USP6NL: variants seen among roughly 807,000 people sequenced by gnomAD.
USP6NL encodes the protein USP6 N-terminal like, also known as USP6 N-terminal-like protein.
In USP6NL, 26 loss-of-function variants were observed where a neutral mutation model predicts 61.9. That is an observed-to-expected ratio of 0.42 (90% confidence interval 0.31 to 0.58). The LOEUF (loss-of-function observed/expected upper bound fraction) is 0.58. Ranked by LOEUF, USP6NL falls within the 20% of genes least tolerant of loss-of-function variation. The probability of loss-of-function intolerance (pLI) is 0.16; values close to 1 mark genes in which losing one functional copy is unlikely to be tolerated. For synonymous variants in USP6NL, 432 were observed against 390.1 expected, an observed-to-expected ratio of 1.11 and a Z score of -1.27; for missense variants, 1,114 against 1,034.3, an observed-to-expected ratio of 1.08 and a Z score of -1.06.
chr10:11,601,197 C>T (rs1838516452), intron 1 of USP6NL, among the ~76,000 whole-genome samples: 1 of 152,026 alleles, frequency 6.6e-6, no homozygotes, highest in Non-Finnish European at 1.5e-5. Flanking sequence ...GTATGCACAT[C>T]AACAAATATC....
intron 2 of USP6NL, among the ~76,000 whole-genome samples, chr10:11,593,250 GT>G (rs946998046): frequency 2.0e-5 from 3 of 152,162 alleles, no homozygotes; most frequent in South Asian, 4.1e-4. Context: ...GCTAGTAAGT[GT>G]TTTTTTGTTT....
chr10:11,525,378 T>C lies in USP6NL; in HGVS notation c.155+8A>G, dbSNP rs760157518. ...CTAAAAAGCAAGCTTTCAATCTATG[T>C]GACTTACTGTAAAAAGCCAAATCTA... On this transcript the variant is annotated splice_region_variant and intron_variant, in intron 4 of 14. Coordinates refer to ENST00000609104, the MANE Select transcript of USP6NL (RefSeq NM_014688.5). This position sits in a 1 kb window ranked among gnomAD's most constrained non-coding sequence, Gnocchi z 5.0. The C allele has an allele frequency of 1.3e-6, 2 of 1,591,372 alleles. No individual in the cohort carries two copies. Among genetic ancestry groups the C allele is most frequent in the African/African-American group, 1.4e-5 (1 of 73,700 alleles).
At chr10:11,473,810 T>C (rs1405087787) in intron 14 of USP6NL, among the ~76,000 whole-genome samples, 1 of 152,176 alleles carries the variant, frequency 6.6e-6, no homozygotes, top group African/African-American at 2.4e-5. Flanking sequence ...TTACAAATTA[T>C]TGCCCTACCA....
chr10:11,526,627 T>C (rs1165976699), intron 3 of USP6NL, among the ~76,000 whole-genome samples: 1 of 152,204 alleles, frequency 6.6e-6, no homozygotes, highest in East Asian at 1.9e-4. Context: ...GTATGCCTCA[T>C]GGAAGCAGGA....
intron 2 of USP6NL, among the ~76,000 whole-genome samples, chr10:11,557,341 G>C (rs867263940): frequency 6.6e-6 from 1 of 152,152 alleles, no homozygotes; most frequent in Non-Finnish European, 1.5e-5. Context: ...AAGGAGGCAA[G>C]TACAATACCC....
intron 7 of USP6NL, among the ~76,000 whole-genome samples, chr10:11,497,183 G>A (rs1185551983): frequency 3.3e-5 from 5 of 150,676 alleles, no homozygotes; most frequent in Non-Finnish European, 7.4e-5. Context: ...GGTGAGGTGG[G>A]GGGATCACAA....
intron 2 of USP6NL, among the ~76,000 whole-genome samples, chr10:11,571,021 G>T (rs1282124114): frequency 6.6e-6 from 1 of 151,724 alleles, no homozygotes; most frequent in African/African-American, 2.4e-5. Flanking sequence ...CTTAACAAAT[G>T]CATGTTACAC....
chr10:11,540,241 G>C lies in USP6NL; in HGVS notation c.5-12674C>G, dbSNP rs974121010. On this transcript the variant is annotated intron_variant, in intron 2 of 14. Transcript: ENST00000609104. The surrounding 1 kb of genome is among the most constrained non-coding windows in gnomAD (Gnocchi z 5.0). ...ATGAATGGTATTCTGAAGAATCCAA[G>C]AACAATTTATATGAAATATTCTTTG... Among the ~76,000 whole-genome samples the C allele has an allele frequency of 6.6e-6, 1 of 152,268 alleles. No individual in the cohort carries two copies. Among genetic ancestry groups the C allele is most frequent in the East Asian group, 1.9e-4 (1 of 5,176 alleles).
intron 2 of USP6NL, 47 bp from the exon 3 acceptor site, chr10:11,527,614 G>A (rs375135160): frequency 4.8e-5 from 72 of 1,510,906 alleles, no homozygotes; most frequent in East Asian, 9.4e-5. Flanking sequence ...TGAAAGAATC[G>A]TAAAGTTAAT....
At chr10:11,576,601 T>G (rs1318399474) in intron 2 of USP6NL, among the ~76,000 whole-genome samples, 1 of 152,214 alleles carries the variant, frequency 6.6e-6, no homozygotes, top group Non-Finnish European at 1.5e-5. Context: ...AGACATTAAA[T>G]CTGCCAGTGC....
intron 6 of USP6NL, among the ~76,000 whole-genome samples, chr10:11,507,138 A>C (rs1428277561): frequency 6.6e-6 from 1 of 152,216 alleles, no homozygotes; most frequent in Non-Finnish European, 1.5e-5. Flanking sequence ...AGCCCAGTAG[A>C]ATTGTTCGTT....
rs1834092643 is a variant in USP6NL, at chr10:11,499,708, G to A, written c.384+1393C>T. On this transcript the variant is annotated intron_variant, in intron 7 of 14. Coordinates refer to ENST00000609104, the MANE Select transcript of USP6NL (RefSeq NM_014688.5). This position sits in a 1 kb window ranked among gnomAD's most constrained non-coding sequence, Gnocchi z 4.5. The stretch of plus-strand genomic sequence containing the variant: ...TGGTAGGCCACCACCAGAGGCTGGA[G>A]GAGGCCAGGAAGATGCCTCCCTAGA... Among the ~76,000 whole-genome samples the A allele has an allele frequency of 6.6e-6, 1 of 152,214 alleles. No individual in the cohort carries two copies. The highest frequency in any genetic ancestry group is 1.5e-5 in the Non-Finnish European group (1 of 68,042).
chr10:11,554,966 A>ATTTTTTTTTTTTTTTTTTTTTTTTTT (rs764342021), intron 2 of USP6NL, among the ~76,000 whole-genome samples: 1 of 111,858 alleles, frequency 8.9e-6, no homozygotes, highest in Non-Finnish European at 1.8e-5. Flanking sequence ...TGCCCGGCTA[A>ATTTTTTTTTTTTTTTTTTTTTTTTTT]TTTTTTTTTT....
In USP6NL at chr10:11,598,336, T is replaced by TA. The variant is rs1435269010; in HGVS notation, c.-83-620dup. Among the ~76,000 whole-genome samples, 1 of 152,170 alleles carries TA rather than the reference T, an allele frequency of 6.6e-6. No homozygotes were observed. The highest frequency in any genetic ancestry group is 1.9e-4 in the East Asian group (1 of 5,202). ...CAAGCCATTTTTTTTCTAAGTATTT[T>TA]AAAAATATACTTGATACTACACATA... On this transcript the variant is annotated intron_variant, in intron 1 of 14. Transcript: ENST00000609104. This position sits in a 1 kb window ranked among gnomAD's most constrained non-coding sequence, Gnocchi z 4.7.
In USP6NL at chr10:11,485,403, T is replaced by C. The variant is rs1833418065; in HGVS notation, c.760-169A>G. 6.6e-6 allele frequency among the ~76,000 whole-genome samples: 1 copy of C among 152,192 alleles called. No homozygotes were observed. Among genetic ancestry groups the C allele is most frequent in the Admixed American group, 6.5e-5 (1 of 15,284 alleles). Reference sequence around the variant, plus strand: ...TAGGACTGTAATACAACAATTAGATTCTCTTTAATATATTTTACAGTGAGC... The same window carrying C: ...TAGGACTGTAATACAACAATTAGATCCTCTTTAATATATTTTACAGTGAGC... On this transcript the variant is annotated intron_variant, in intron 11 of 14. Transcript: ENST00000609104. This position sits in a 1 kb window ranked among gnomAD's most constrained non-coding sequence, Gnocchi z 4.8.
At chr10:11,608,253 A>G (rs1455623215) in intron 1 of USP6NL, among the ~76,000 whole-genome samples, 2 of 152,246 alleles carry the variant, frequency 1.3e-5, no homozygotes, top group Admixed American at 6.5e-5. Flanking sequence ...CAGAGTTATA[A>G]AAGTGGACAT....
Position 11,597,073 on chromosome 10 carries a change from T to C in USP6NL, c.4+558A>G, listed in dbSNP as rs1408633571. Among the ~76,000 whole-genome samples, 2 of 151,962 alleles carry C rather than the reference T, an allele frequency of 1.3e-5. No homozygotes were observed. Among genetic ancestry groups the C allele is most frequent in the Non-Finnish European group, 2.9e-5 (2 of 68,008 alleles). ...TTAACACAAAAAAGTAAAATCCAGT[T>C]CTCTTGTTCACAAGCAGAAGTATAT... On this transcript the variant is annotated intron_variant, in intron 2 of 14. Coordinates refer to ENST00000609104, the MANE Select transcript of USP6NL (RefSeq NM_014688.5). This position sits in a 1 kb window ranked among gnomAD's most constrained non-coding sequence, Gnocchi z 4.6.
At chr10:11,583,349 G>A (rs1008693728) in intron 2 of USP6NL, among the ~76,000 whole-genome samples, 50 of 145,120 alleles carry the variant, frequency 3.4e-4, no homozygotes, top group East Asian at 2.9e-3. Context: ...CACTGTGGCC[G>A]GCTAAATTTT....
At chr10:11,519,639 C>T (rs1484914066) in intron 4 of USP6NL, among the ~76,000 whole-genome samples, 1 of 151,804 alleles carries the variant, frequency 6.6e-6, no homozygotes, top group African/African-American at 2.4e-5. Context: ...TCAAAATAAA[C>T]AAATAAATAA....
Sources: allele counts gnomAD v4.1 joint callset (sites outside exome capture counted in the v4.1 genomes callset), GRCh38; gene constraint gnomAD v4.1.1; non-coding constraint Gnocchi (gnomAD v3.1); transcripts MANE v1.5; gene names NCBI Gene and HGNC (gene_info 2026-07-23, HGNC 2026-07-21).